The following SFTPD variants were observed in gnomAD, a reference collection of about 807,000 sequenced individuals.
SFTPD encodes the protein surfactant protein D.
A neutral mutation model predicts 34.6 loss-of-function variants in SFTPD; 18 were observed. The observed-to-expected ratio is 0.52, with a 90% confidence interval of 0.36 to 0.77. The LOEUF (loss-of-function observed/expected upper bound fraction) is 0.77, where lower values mean the gene tolerates loss of function less well. SFTPD is among the 30% of genes least tolerant of loss of function. SFTPD has a pLI of 0.00. For synonymous variants in SFTPD, 155 were observed against 180.9 expected, an observed-to-expected ratio of 0.86 and a Z score of 1.15; for missense variants, 433 against 468.9, an observed-to-expected ratio of 0.92 and a Z score of 0.71.
Position 79,937,865 on chromosome 10 carries a change from A to G in SFTPD, c.1115T>C (p.Val372Ala). The part of the protein sequence containing the change: ...DRACGEKRLV[V>A]CEF ...ACCCCAGTTGGCTCAGAACTCGCAG[A>G]CCACAAGACGCTTTTCTCCACAAGC... The change falls in exon 8 of 8, where the codon GTC (valine) becomes GCC (alanine). Residue 372 changes from valine (V) to alanine (A), a missense_variant. Coordinates refer to ENST00000372292, the MANE Select transcript of SFTPD (RefSeq NM_003019.5). 2 of 1,540,694 alleles carry G rather than the reference A, an allele frequency of 1.3e-6. No homozygotes were observed. The highest frequency in any genetic ancestry group is 1.8e-6 in the Non-Finnish European group (2 of 1,139,224).
At chr10:79,950,279 T>G (rs1416184327), upstream of SFTPD, 1 of 152,238 alleles carries the variant, frequency 6.6e-6, no homozygotes, top group African/African-American at 2.4e-5. Flanking sequence ...CTTTATATAA[T>G]CTGTGAGTTT....
At chr10:79,959,564 C>G (rs938706167) in intron 1 of SFTPD, among the ~76,000 whole-genome samples, 3 of 152,150 alleles carry the variant, frequency 2.0e-5, no homozygotes, top group African/African-American at 4.8e-5. Flanking sequence ...ATAAATTCCT[C>G]AACACATACA....
chr10:79,946,368 G>C (rs2132500955), intron 2 of SFTPD, 93 bp downstream of exon 2: 1 of 956,092 alleles, frequency 1.0e-6, no homozygotes, highest in Non-Finnish European at 1.6e-6. Flanking sequence ...CACGTCTCCA[G>C]ACTTCCATAA....
intron 1 of SFTPD, among the ~76,000 whole-genome samples, chr10:79,981,355 T>C (rs1001309384): frequency 6.6e-6 from 1 of 152,222 alleles, no homozygotes; most frequent in Non-Finnish European, 1.5e-5. Context: ...TTATTGGTCT[T>C]AAAGTGGAGG....
At chr10:79,941,878 G>A (rs756467846) in intron 5 of SFTPD, 76 bp downstream of exon 5, 23 of 906,396 alleles carry the variant, frequency 2.5e-5, no homozygotes, top group Non-Finnish European at 4.0e-5. Context: ...GTGGTGGAGG[G>A]GGTGTAGGCA....
At chr10:79,939,851 G>A (rs1048382822) in intron 7 of SFTPD, among the ~76,000 whole-genome samples, 15 of 152,202 alleles carry the variant, frequency 9.9e-5, no homozygotes, top group African/African-American at 3.4e-4. Flanking sequence ...TATCAGGAAA[G>A]GCGGAGGAGA....
chr10:79,962,279 A>G (rs1842778018), intron 1 of SFTPD, among the ~76,000 whole-genome samples: 1 of 149,766 alleles, frequency 6.7e-6, no homozygotes, highest in Admixed American at 6.8e-5. Context: ...CATGTACCCT[A>G]AAACTTAAAG....
intron 1 of SFTPD, among the ~76,000 whole-genome samples, chr10:79,956,029 C>CA (rs1235598948): frequency 4.6e-5 from 7 of 152,120 alleles, no homozygotes; most frequent in East Asian, 3.9e-4. Flanking sequence ...ATACTAATTT[C>CA]AAAAAAACAG....
At chr10:79,940,632 G>C (rs1234968112) in intron 7 of SFTPD, 73 bp downstream of exon 7, 3 of 1,024,232 alleles carry the variant, frequency 2.9e-6, no homozygotes, top group Non-Finnish European at 4.6e-6. Context: ...CCAGCCAAAG[G>C]CCAAACCAAG....
At chr10:79,974,439 A>G (rs905203688) in intron 1 of SFTPD, among the ~76,000 whole-genome samples, 6 of 151,856 alleles carry the variant, frequency 4.0e-5, no homozygotes, top group African/African-American at 1.5e-4. Context: ...GTGAGCCACC[A>G]CACCCAGCCA....
At chr10:79,951,398 T>C (rs1243792538), upstream of SFTPD, among the ~76,000 whole-genome samples, 2 of 152,222 alleles carry the variant, frequency 1.3e-5, no homozygotes, top group African/African-American at 2.4e-5. Flanking sequence ...TGTGTGATCA[T>C]TTGGCTTCAA....
intron 1 of SFTPD, among the ~76,000 whole-genome samples, chr10:79,959,272 G>A (rs1490113978): frequency 6.6e-6 from 1 of 151,646 alleles, no homozygotes; most frequent in Non-Finnish European, 1.5e-5. Context: ...AAAGCTAGCA[G>A]AAGGCAAGAA....
intron 1 of SFTPD, among the ~76,000 whole-genome samples, chr10:79,948,293 C>T (rs539651153): frequency 6.6e-6 from 1 of 152,330 alleles, no homozygotes; most frequent in African/African-American, 2.4e-5. Flanking sequence ...GTGTCTGATT[C>T]TGGGGAAGAA....
chr10:79,980,925 C>G (rs1256580047), intron 1 of SFTPD, among the ~76,000 whole-genome samples: 1 of 152,160 alleles, frequency 6.6e-6, no homozygotes, highest in Non-Finnish European at 1.5e-5. Flanking sequence ...CAGACACTGG[C>G]AAATATCCAC....
intron 6 of SFTPD, 84 bp downstream of exon 6, chr10:79,941,314 C>T (rs539272024): frequency 1.7e-5 from 20 of 1,155,236 alleles, no homozygotes; most frequent in Non-Finnish European, 2.2e-5. Flanking sequence ...CATCCCAGAG[C>T]CCCTCCTCTG....
chr10:79,938,852 C>A (rs1722259318), intron 7 of SFTPD, among the ~76,000 whole-genome samples: 1 of 152,174 alleles, frequency 6.6e-6, no homozygotes, highest in Non-Finnish European at 1.5e-5. Flanking sequence ...TTAGTATGCA[C>A]ATGGATGATG....
At chr10:79,952,656 G>T (rs560126339), upstream of SFTPD, among the ~76,000 whole-genome samples, 8 of 152,290 alleles carry the variant, frequency 5.3e-5, no homozygotes, top group African/African-American at 1.9e-4. Flanking sequence ...TGTGGTTGCT[G>T]CAGTCTAAGT....
At chr10:79,945,966 G>C (rs1842661045) in intron 2 of SFTPD, among the ~76,000 whole-genome samples, 1 of 152,144 alleles carries the variant, frequency 6.6e-6, no homozygotes, top group Admixed American at 6.5e-5. Context: ...CAAGCACAAG[G>C]GTGGACAAAG....
At chr10:79,949,696 T>A (rs1589337435), upstream of SFTPD, among the ~76,000 whole-genome samples, 1 of 152,190 alleles carries the variant, frequency 6.6e-6, no homozygotes, top group African/African-American at 2.4e-5. Context: ...GCCTTGCTTG[T>A]CTTTTGTGGG....
Sources: gnomAD v4.1 joint callset for allele counts (sites outside exome capture counted in the v4.1 genomes callset) on GRCh38, gnomAD v4.1.1 for gene constraint, MANE v1.5 for transcripts, NCBI Gene and HGNC (gene_info 2026-07-23, HGNC 2026-07-21) for gene names.